Variants in ADGRV1 observed in about 807,000 individuals in gnomAD.
ADGRV1 encodes the protein G-protein coupled receptor 98.
A neutral mutation model predicts 596.2 loss-of-function variants in ADGRV1; 359 were observed. That is an observed-to-expected ratio of 0.60 (90% CI 0.55 to 0.66). The LOEUF (loss-of-function observed/expected upper bound fraction) is 0.66. ADGRV1 is among the 30% of genes least tolerant of loss of function. The pLI is 0.00. For synonymous variants in ADGRV1, 2,681 were observed against 2,679.2 expected (o/e 1.00, Z -0.02); for missense variants, 7,274 against 7,575.6 (o/e 0.96, Z 1.48).
intron 29 of ADGRV1, 131 bp from the exon 30 acceptor site, chr5:90,689,730 G>T: frequency 1.6e-6 from 1 of 634,798 alleles, no homozygotes; most frequent in Non-Finnish European, 2.7e-6. Context: ...TAGAATAAAT[G>T]TAGTCAATAT....
At chr5:90,750,163 G>T (rs1755081933) in intron 52 of ADGRV1, among the ~76,000 whole-genome samples, 1 of 151,986 alleles carries the variant, frequency 6.6e-6, no homozygotes, top group Admixed American at 6.5e-5. Flanking sequence ...GAGGAAAAAG[G>T]CTTCCCTACT....
intron 36 of ADGRV1, among the ~76,000 whole-genome samples, chr5:90,705,118 C>A (rs1180964129): frequency 6.6e-6 from 1 of 152,114 alleles, no homozygotes; most frequent in East Asian, 1.9e-4. Flanking sequence ...CAAATTGAGT[C>A]ATTTTTAAGC....
At chr5:90,673,889 CAT>C (rs1327631787) in intron 22 of ADGRV1, among the ~76,000 whole-genome samples, 163 bp from the exon 23 acceptor site, 5 of 152,196 alleles carry the variant, frequency 3.3e-5, no homozygotes, top group African/African-American at 1.2e-4. Context: ...TATATACACA[CAT>C]ATGCACACAC....
At chr5:91,121,251 A>G (rs780327395) in intron 87 of ADGRV1, among the ~76,000 whole-genome samples, 1 of 152,190 alleles carries the variant, frequency 6.6e-6, no homozygotes, top group Middle Eastern at 3.2e-3. Context: ...GTCCTCAACT[A>G]TAAGTAAGAA....
intron 20 of ADGRV1, among the ~76,000 whole-genome samples, chr5:90,656,395 A>T (rs552249401): frequency 1.3e-5 from 2 of 152,322 alleles, no homozygotes; most frequent in African/African-American, 4.8e-5. Context: ...TCCTTTTAAC[A>T]TACCATAGAG....
intron 1 of ADGRV1, among the ~76,000 whole-genome samples, chr5:90,591,287 T>A (rs1242664442): frequency 1.3e-5 from 2 of 152,016 alleles, no homozygotes; most frequent in African/African-American, 2.4e-5. Context: ...TCCCAGCTAC[T>A]TGGGAGGCTG....
rs1424384770 is a variant in ADGRV1 at position 90,653,534 on chromosome 5, T to A, written c.3960T>A (p.Arg1320=). ...TTVHLQQHMR[R]HHSGTDALYF... ...TGCATTTACAACAGCACATGCGGCG[T>A]CACCACAGTGGAACGGATGCTTTGT... Residue 1320 remains arginine, a synonymous_variant, in exon 20 of 90, where the codon CGT becomes CGA. Coordinates refer to ENST00000405460, the MANE Select transcript of ADGRV1 (RefSeq NM_032119.4). 1.2e-6 allele frequency: 2 copies of A among 1,613,924 alleles called. No individual in the cohort carries two copies.
intron 11 of ADGRV1, among the ~76,000 whole-genome samples, chr5:90,639,442 A>G (rs1766692455): frequency 6.6e-6 from 1 of 152,168 alleles, no homozygotes; most frequent in African/African-American, 2.4e-5. Context: ...ACTATTCTTT[A>G]TATTCTTTCT....
chr5:91,143,880 C>A (rs1260366439), intron 87 of ADGRV1, among the ~76,000 whole-genome samples: 1 of 152,218 alleles, frequency 6.6e-6, no homozygotes, highest in African/African-American at 2.4e-5. Flanking sequence ...CCCTCAGCCT[C>A]CCTCCCATGT....
At chr5:90,991,900 C>T (rs561836167) in intron 85 of ADGRV1, among the ~76,000 whole-genome samples, 2 of 152,264 alleles carry the variant, frequency 1.3e-5, no homozygotes, top group East Asian at 3.9e-4. Context: ...TTAGAGAGCA[C>T]ATTTACTTAT....
rs1425089477 is a variant in ADGRV1, at chr5:90,840,970, G to T, written c.17004G>T (p.Met5668Ile). Reference sequence around the variant, plus strand: ...CAGATGAACAACTCAGTGCCATGATGCATTTAATAGAAAAGGTAAGTTTTT... The same window carrying T: ...CAGATGAACAACTCAGTGCCATGATTCATTTAATAGAAAAGGTAAGTTTTT... Reference protein sequence around the residue: ...ENTDEQLSAMMHLIEKITTEG... With the variant: ...ENTDEQLSAMIHLIEKITTEG... The change falls in exon 78 of 90, where the codon ATG becomes ATT. Residue 5668 changes from methionine to isoleucine, a missense_variant. Transcript: ENST00000405460. The T allele has an allele frequency of 7.2e-7, 1 of 1,385,996 alleles. No homozygotes were observed. The highest frequency in any genetic ancestry group is 2.5e-5 in the East Asian group (1 of 40,582). The allele number at this position is 1,385,996 out of a possible 1,614,324, so 85.9% of individuals were successfully genotyped here.
Position 90,711,287 on chromosome 5 carries a change from G to A in ADGRV1, c.9007G>A (p.Ala3003Thr), listed in dbSNP as rs953112443. Residue 3003 changes from alanine to threonine, a missense_variant, in exon 41 of 90, where the codon GCA (alanine) becomes ACA (threonine). Ala to Thr is a moderately conservative substitution (Grantham distance 58). Coordinates refer to ENST00000405460, the MANE Select transcript of ADGRV1 (RefSeq NM_032119.4). ...SLFVYAQNLEAQVGLDYIFTP... is the reference protein window; with the variant it reads ...SLFVYAQNLETQVGLDYIFTP... Reference sequence around the variant, plus strand: ...ATTTGTGTATGCTCAGAATTTGGAAGCACAAGTGGGGCTGGATTATATCTT... The same window carrying A: ...ATTTGTGTATGCTCAGAATTTGGAAACACAAGTGGGGCTGGATTATATCTT... 6.2e-7 allele frequency: 1 copy of A among 1,612,780 alleles called. No homozygotes were observed. Among genetic ancestry groups the A allele is most frequent in the South Asian group, 1.1e-5 (1 of 90,796 alleles).
At chr5:90,575,785 T>C (rs769737231) in intron 1 of ADGRV1, among the ~76,000 whole-genome samples, 1 of 151,916 alleles carries the variant, frequency 6.6e-6, no homozygotes, top group Non-Finnish European at 1.5e-5. Context: ...TGGGGGCGGG[T>C]CATCCTGGTG....
At chr5:90,793,497 A>G (rs17554723) in intron 70 of ADGRV1, among the ~76,000 whole-genome samples, 37,566 of 152,120 alleles carry the variant, frequency 0.25, 5,657 homozygotes, top group Non-Finnish European at 0.35. Context: ...TTACTAAGCA[A>G]CGTGTATAGT....
At chr5:90,585,128 T>C (rs994419923) in intron 1 of ADGRV1, among the ~76,000 whole-genome samples, 3 of 152,206 alleles carry the variant, frequency 2.0e-5, no homozygotes, top group African/African-American at 7.2e-5. Context: ...ATATATCAGA[T>C]GTCAAAATGA....
At chr5:90,722,811 A>C (rs77322363) in intron 45 of ADGRV1, among the ~76,000 whole-genome samples, 1,757 of 146,570 alleles carry the variant, frequency 0.012, 40 homozygotes, top group African/African-American at 0.04. Flanking sequence ...TTGTATTTGA[A>C]GTCATGGAAA....
At chr5:90,984,727 T>C (rs568345770) in intron 84 of ADGRV1, among the ~76,000 whole-genome samples, 1 of 152,180 alleles carries the variant, frequency 6.6e-6, no homozygotes, top group Non-Finnish European at 1.5e-5. Context: ...ATATTTGTCA[T>C]GTGAATGAAC....
chr5:91,116,826 A>T (rs1792887161), intron 87 of ADGRV1, among the ~76,000 whole-genome samples: 1 of 152,304 alleles, frequency 6.6e-6, no homozygotes, highest in South Asian at 2.1e-4. Context: ...GCATTGCAAA[A>T]AGGGGGCCAC....
At chr5:90,691,175 A>C in intron 31 of ADGRV1, 134 bp downstream of exon 31, 2 of 1,125,858 alleles carry the variant, frequency 1.8e-6, no homozygotes, top group Non-Finnish European at 2.7e-6. Flanking sequence ...AAACTATGCT[A>C]GTGTGAAAGT....
Sources: allele counts gnomAD v4.1 joint callset (sites outside exome capture counted in the v4.1 genomes callset), GRCh38; gene constraint gnomAD v4.1.1; transcripts MANE v1.5; gene names NCBI Gene and HGNC (gene_info 2026-07-23, HGNC 2026-07-21).